The following CSMD1 variants were observed in gnomAD, a reference collection of about 807,000 sequenced individuals.
CSMD1 encodes the protein CUB and Sushi multiple domains 1, also known as CUB and sushi domain-containing protein 1.
Under a neutral mutation model 417.5 loss-of-function variants are expected in CSMD1, and 213 were observed. The ratio of observed to expected loss-of-function variants is 0.51; its 90% CI spans 0.46 to 0.57. The LOEUF (loss-of-function observed/expected upper bound fraction) is 0.57, where lower values mean the gene tolerates loss of function less well. Ranked by LOEUF, CSMD1 falls within the 20% of genes least tolerant of loss-of-function variation. The pLI, the probability that CSMD1 is intolerant of heterozygous loss-of-function variation, is 0.00. For missense variants in CSMD1, 6,923 were observed against 4,529.7 expected, an observed-to-expected ratio of 1.53 and a Z score of -15.17; for synonymous variants, 2,862 against 1,736.8, an observed-to-expected ratio of 1.65 and a Z score of -16.11.
At chr8:4,400,961 CTT>C (rs10553925) in intron 3 of CSMD1, among the ~76,000 whole-genome samples, 103,246 of 151,656 alleles carry the variant, frequency 0.68, 35,291 homozygotes, top group East Asian at 0.8. Context: ...AATATTATGT[CTT>C]ATATTCCCTA....
intron 40 of CSMD1, among the ~76,000 whole-genome samples, chr8:3,143,790 G>T (rs921705636): frequency 2.6e-5 from 4 of 152,068 alleles, no homozygotes; most frequent in African/African-American, 9.7e-5. Flanking sequence ...TCCTAGATTG[G>T]GAAAATTAAA....
intron 3 of CSMD1, among the ~76,000 whole-genome samples, chr8:4,380,062 T>C (rs566247744): frequency 6.6e-6 from 1 of 152,170 alleles, no homozygotes; most frequent in African/African-American, 2.4e-5. Context: ...TCAATCCATA[T>C]GAAGATAAAT....
intron 2 of CSMD1, among the ~76,000 whole-genome samples, chr8:4,620,756 T>C (rs1370836463): frequency 6.6e-6 from 1 of 151,824 alleles, no homozygotes; most frequent in Non-Finnish European, 1.5e-5. Context: ...AATTATTATA[T>C]GGAGGGAAAC....
intron 12 of CSMD1, among the ~76,000 whole-genome samples, chr8:3,457,971 A>C (rs17066152): frequency 0.07 from 10,595 of 152,212 alleles, 882 homozygotes; most frequent in East Asian, 0.23. Context: ...TATCACCTAG[A>C]AGTACACCTT....
chr8:3,822,542 G>A (rs1801798195), intron 5 of CSMD1, among the ~76,000 whole-genome samples: 1 of 152,220 alleles, frequency 6.6e-6, no homozygotes, highest in East Asian at 1.9e-4. Context: ...TTCCCCGACA[G>A]GCAATTCTTT....
At chr8:3,957,243 T>G (rs1812016436) in intron 5 of CSMD1, among the ~76,000 whole-genome samples, 1 of 152,224 alleles carries the variant, frequency 6.6e-6, no homozygotes. Context: ...AAGACAGTCT[T>G]TGTGTGTAGG....
chr8:3,524,807 C>T (rs1225619513), intron 10 of CSMD1, among the ~76,000 whole-genome samples: 2 of 151,508 alleles, frequency 1.3e-5, no homozygotes, highest in Non-Finnish European at 1.5e-5. Context: ...GAAGTACACA[C>T]ATGCACAGAC....
At chr8:4,630,930 C>T (rs1175550162) in intron 2 of CSMD1, among the ~76,000 whole-genome samples, 4 of 152,156 alleles carry the variant, frequency 2.6e-5, no homozygotes, top group East Asian at 3.8e-4. Flanking sequence ...CCTGACTGCA[C>T]GGCTGCCCCA....
At chr8:3,196,227 G>A (rs745772) in intron 33 of CSMD1, among the ~76,000 whole-genome samples, 99,845 of 151,994 alleles carry the variant, frequency 0.66, 34,140 homozygotes, top group Non-Finnish European at 0.76. Flanking sequence ...GGCAATGCCA[G>A]GAAGTTACCC....
At chr8:3,276,422 G>A (rs531270025) in intron 26 of CSMD1, among the ~76,000 whole-genome samples, 68 of 152,254 alleles carry the variant, frequency 4.5e-4, no homozygotes, top group Middle Eastern at 3.4e-3. Context: ...TGGCTTCTCC[G>A]ACTGCAAGTC....
At chr8:4,540,837 G>C (rs1394920467) in intron 2 of CSMD1, among the ~76,000 whole-genome samples, 2 of 151,988 alleles carry the variant, frequency 1.3e-5, no homozygotes, top group Non-Finnish European at 2.9e-5. Context: ...GGCAAAAAAA[G>C]GTAAAGGCTC....
chr8:4,282,240 T>C (rs1014614987), intron 3 of CSMD1, among the ~76,000 whole-genome samples: 1 of 152,190 alleles, frequency 6.6e-6, no homozygotes, highest in Non-Finnish European at 1.5e-5. Flanking sequence ...TACAACTGCA[T>C]GCAAAGGTGA....
chr8:4,447,638 G>T lies in CSMD1; in HGVS notation c.303-27573C>A, dbSNP rs6996748. ...TGACTAAGCTTGTTCAAAGTCGACA[G>T]GTTTACGGAAAAGGAAGGAATGGTT... On this transcript the variant is annotated intron_variant, in intron 2 of 69. Transcript: ENST00000635120. Among the ~76,000 whole-genome samples, 1,099 of 152,216 alleles carry T rather than the reference G, an allele frequency of 7.2e-3. 16 individuals carry two copies. The highest frequency in any genetic ancestry group is 0.025 in the African/African-American group (1,034 of 41,538).
chr8:3,275,162 G>A (rs961767798), intron 26 of CSMD1, among the ~76,000 whole-genome samples: 34 of 152,148 alleles, frequency 2.2e-4, no homozygotes, highest in African/African-American at 8.2e-4. Flanking sequence ...TGTCTGTAAA[G>A]TATTTTATTT....
chr8:2,970,503 C>A (rs1271708349), intron 57 of CSMD1, among the ~76,000 whole-genome samples: 1 of 152,216 alleles, frequency 6.6e-6, no homozygotes, highest in Admixed American at 6.5e-5. Flanking sequence ...TGCTTTTAAT[C>A]AGCATCAGAT....
Position 3,448,728 on chromosome 8 carries a change from C to G in CSMD1, c.1561+19984G>C, listed in dbSNP as rs150570031. On this transcript the variant is annotated intron_variant, in intron 12 of 69. Transcript: ENST00000635120. ...GAGAGTCCTCTAGGCTGAGCTCACT[C>G]CTGCACACCACAGAGGGATGCATTA... 7.4e-3 allele frequency among the ~76,000 whole-genome samples: 1,119 copies of G among 152,234 alleles called. 17 individuals carry two copies. Among genetic ancestry groups the G allele is most frequent in the African/African-American group, 0.025 (1,048 of 41,546 alleles).
intron 10 of CSMD1, among the ~76,000 whole-genome samples, chr8:3,523,837 A>G (rs1797625176): frequency 9.0e-6 from 1 of 110,972 alleles, no homozygotes; most frequent in South Asian, 3.0e-4. Flanking sequence ...ATGCACACCC[A>G]GAGACACATG....
intron 3 of CSMD1, among the ~76,000 whole-genome samples, chr8:4,299,853 T>A (rs1797886057): frequency 1.3e-5 from 2 of 152,054 alleles, no homozygotes; most frequent in South Asian, 2.1e-4. Context: ...ATGGTCTCGA[T>A]CTCCTGACTT....
Position 4,870,407 on chromosome 8 carries a change from C to T in CSMD1, c.85+123925G>A, listed in dbSNP as rs1001437797. On this transcript the variant is annotated intron_variant, in intron 1 of 69. Transcript: ENST00000635120. ...GAAACCCTTCAACAGAGCTAGACCT[C>T]AATTTTCTTAAAGGATGCATAGTAT... is the stretch of plus-strand genomic sequence containing the variant. 2.6e-5 allele frequency among the ~76,000 whole-genome samples: 4 copies of T among 152,126 alleles called. No individual in the cohort carries two copies. In the South Asian group the frequency reaches 8.3e-4, roughly 31 times the overall value.
Sources: allele counts gnomAD v4.1 joint callset (sites outside exome capture counted in the v4.1 genomes callset), GRCh38; gene constraint gnomAD v4.1.1; transcripts MANE v1.5; gene names NCBI Gene and HGNC (gene_info 2026-07-23, HGNC 2026-07-21).